STK32B: variants seen among roughly 807,000 people sequenced by gnomAD.
STK32B encodes serine/threonine kinase 32B, also known as serine/threonine-protein kinase 32B.
A neutral mutation model predicts 52.6 loss-of-function variants in STK32B; 43 were observed. That is an observed-to-expected ratio of 0.82 (90% CI 0.64 to 1.05). The LOEUF (loss-of-function observed/expected upper bound fraction) is 1.05. STK32B is among the 50% of genes least tolerant of loss of function. The pLI, the probability that STK32B is intolerant of heterozygous loss-of-function variation, is 0.00. For missense variants in STK32B, 621 were observed against 534.6 expected (o/e 1.16, Z -1.59); for synonymous variants, 238 against 204.3 (o/e 1.17, Z -1.41).
intron 1 of STK32B, among the ~76,000 whole-genome samples, chr4:5,090,781 C>T (rs1010981363): frequency 3.3e-5 from 5 of 152,112 alleles, no homozygotes; most frequent in Admixed American, 2.0e-4. Context: ...GATCCTTTCC[C>T]CATTGCTTGT....
At chr4:5,263,358 G>T (rs1188995618) in intron 3 of STK32B, among the ~76,000 whole-genome samples, 3 of 152,038 alleles carry the variant, frequency 2.0e-5, no homozygotes, top group African/African-American at 7.3e-5. Flanking sequence ...ATCACATTCT[G>T]CCCAGTCTCC....
At chr4:5,092,323 A>ACATGAGTGTT (rs1713125314) in intron 1 of STK32B, among the ~76,000 whole-genome samples, 2 of 152,162 alleles carry the variant, frequency 1.3e-5, no homozygotes, top group Non-Finnish European at 1.5e-5. Flanking sequence ...CCTGAGGTCA[A>ACATGAGTGTT]GAGTTTGAGA....
At chr4:5,458,737 C>T (rs1716779946) in intron 8 of STK32B, 1 of 152,452 alleles carries the variant, frequency 6.6e-6, no homozygotes, top group Non-Finnish European at 1.5e-5. Flanking sequence ...TGGTCATCCT[C>T]TTTGACTGGG....
the STK32B span, among the ~76,000 whole-genome samples, chr4:5,042,873 G>A: frequency 6.6e-6 from 1 of 151,964 alleles, no homozygotes; most frequent in Non-Finnish European, 1.5e-5. Flanking sequence ...TTGGGAGGCC[G>A]AGGCGGGTGG....
chr4:5,252,669 A>G (rs1726024836), intron 3 of STK32B, among the ~76,000 whole-genome samples: 1 of 152,206 alleles, frequency 6.6e-6, no homozygotes, highest in Non-Finnish European at 1.5e-5. Context: ...TGAAAAAGGT[A>G]AGGAGAAAGA....
chr4:5,343,248 C>T (rs1175823174), intron 4 of STK32B, among the ~76,000 whole-genome samples: 4 of 151,994 alleles, frequency 2.6e-5, no homozygotes, highest in Non-Finnish European at 1.5e-5. Context: ...TGGTTTCCAG[C>T]TTCATCCATG....
intron 7 of STK32B, among the ~76,000 whole-genome samples, chr4:5,449,585 A>G (rs995348409): frequency 4.6e-5 from 7 of 152,188 alleles, no homozygotes; most frequent in Non-Finnish European, 8.8e-5. Flanking sequence ...GGGGCTGGGT[A>G]CTGGCCTGTG....
At chr4:5,123,769 C>A (rs1715198586) in intron 1 of STK32B, among the ~76,000 whole-genome samples, 1 of 152,104 alleles carries the variant, frequency 6.6e-6, no homozygotes, top group South Asian at 2.1e-4. Flanking sequence ...AATCCAGTCA[C>A]ATTCTGAGGT....
chr4:5,352,270 G>T (rs1733876631), intron 4 of STK32B, among the ~76,000 whole-genome samples: 1 of 152,022 alleles, frequency 6.6e-6, no homozygotes, highest in South Asian at 2.1e-4. Context: ...TTTATCTCAG[G>T]AACACAAGGA....
chr4:5,352,087 C>T (rs527825278), intron 4 of STK32B, among the ~76,000 whole-genome samples: 51 of 152,174 alleles, frequency 3.4e-4, no homozygotes, highest in African/African-American at 1.2e-3. Flanking sequence ...CTCTCCCTAA[C>T]ATATTCTATG....
chr4:5,304,326 C>T (rs1381429989), intron 3 of STK32B, among the ~76,000 whole-genome samples: 1 of 151,858 alleles, frequency 6.6e-6, no homozygotes, highest in African/African-American at 2.4e-5. Context: ...GATGTGTTTC[C>T]ATCTGTGTCA....
intron 2 of STK32B, among the ~76,000 whole-genome samples, chr4:5,149,593 T>A (rs1717180866): frequency 6.6e-6 from 1 of 151,948 alleles, no homozygotes; most frequent in Non-Finnish European, 1.5e-5. Context: ...TTACATAAAA[T>A]GTGAAAACCT....
intron 3 of STK32B, among the ~76,000 whole-genome samples, chr4:5,322,023 TGGTGGG>T (rs36207849): frequency 0.41 from 29,369 of 71,288 alleles, 4,516 homozygotes; most frequent in African/African-American, 0.58. Flanking sequence ...AAAAAAAAAG[TGGTGGG>T]AGTGGGGGTG....
chr4:5,269,461 CA>C (rs1408584807), intron 3 of STK32B, among the ~76,000 whole-genome samples: 1 of 152,094 alleles, frequency 6.6e-6, no homozygotes, highest in Non-Finnish European at 1.5e-5. Context: ...ATCAGGAACA[CA>C]AAAAGGTAAT....
chr4:5,177,489 C>G (rs946558653), intron 3 of STK32B, among the ~76,000 whole-genome samples: 2 of 152,080 alleles, frequency 1.3e-5, no homozygotes, highest in East Asian at 3.9e-4. Flanking sequence ...GCCCCTGGTC[C>G]CTCCCAGATC....
At chr4:5,353,908 G>A (rs1038486243) in intron 4 of STK32B, among the ~76,000 whole-genome samples, 1 of 152,174 alleles carries the variant, frequency 6.6e-6, no homozygotes, top group African/African-American at 2.4e-5. Context: ...AAATGAATCA[G>A]TATATCAAAG....
intron 2 of STK32B, among the ~76,000 whole-genome samples, chr4:5,159,535 ATATATG>A (rs1718168505): frequency 8.6e-6 from 1 of 116,926 alleles, no homozygotes; most frequent in East Asian, 2.6e-4. Context: ...ATATATATGT[ATATATG>A]TATATATATG....
At chr4:5,241,399 A>T (rs1725012337) in intron 3 of STK32B, among the ~76,000 whole-genome samples, 1 of 152,120 alleles carries the variant, frequency 6.6e-6, no homozygotes, top group South Asian at 2.1e-4. Flanking sequence ...ATCTGTCCCT[A>T]AAAAAGGTAT....
rs1212441802 is a variant in STK32B, at chr4:5,470,954, G to A, written c.1106+2884G>A. Among the ~76,000 whole-genome samples, 1 of 152,224 alleles carries A rather than the reference G, an allele frequency of 6.6e-6. No individual in the cohort carries two copies. The highest frequency in any genetic ancestry group is 2.4e-5 in the African/African-American group (1 of 41,462). ...CAAGCCAGGCTTGTCGTCATGCTCC[G>A]CCTGGACCACGTCCCCGGTCCCCAG... On this transcript the variant is annotated intron_variant, in intron 11 of 11. Transcript: ENST00000282908. This position sits in a 1 kb window ranked among gnomAD's most constrained non-coding sequence, Gnocchi z 4.6.
Sources: allele counts gnomAD v4.1 joint callset (sites outside exome capture counted in the v4.1 genomes callset), GRCh38; gene constraint gnomAD v4.1.1; non-coding constraint Gnocchi (gnomAD v3.1); transcripts MANE v1.5; gene names NCBI Gene and HGNC (gene_info 2026-07-23, HGNC 2026-07-21).